Variants in BPTF observed in about 807,000 individuals in gnomAD.
The protein encoded by BPTF is bromodomain PHD finger transcription factor, also known as nucleosome-remodeling factor subunit BPTF.
In BPTF, 18 loss-of-function variants were observed where a neutral mutation model predicts 292.5. The ratio of observed to expected loss-of-function variants is 0.06; its 90% CI spans 0.04 to 0.09. The LOEUF (loss-of-function observed/expected upper bound fraction) is 0.09. BPTF is among the 10% of genes least tolerant of loss of function. BPTF has a pLI of 1.00. For missense variants in BPTF, 2,726 were observed against 3,498.7 expected (o/e 0.78, Z 5.57); for synonymous variants, 1,225 against 1,251.9 (o/e 0.98, Z 0.45).
At chr17:67,944,702 G>A in intron 20 of BPTF, 1 of 325,930 alleles carries the variant, frequency 3.1e-6, no homozygotes, top group South Asian at 3.5e-5. Flanking sequence ...TCTCAGGGAG[G>A]GTGGGTAAAT....
intron 12 of BPTF, among the ~76,000 whole-genome samples, chr17:67,919,617 G>A (rs1489316170): frequency 6.6e-6 from 1 of 152,110 alleles, no homozygotes; most frequent in Non-Finnish European, 1.5e-5. Flanking sequence ...CAGAAGGGAA[G>A]GTTCAGATTA....
At chr17:67,918,601 A>G in intron 11 of BPTF, 113 bp from the exon 12 acceptor site, 1 of 897,460 alleles carries the variant, frequency 1.1e-6, no homozygotes, top group Non-Finnish European at 1.6e-6. Context: ...TAAATACTGG[A>G]GTCCTAATGA....
chr17:67,941,532 C>G (rs1008398544), intron 19 of BPTF, among the ~76,000 whole-genome samples: 9 of 152,018 alleles, frequency 5.9e-5, no homozygotes, highest in African/African-American at 2.2e-4. Context: ...GCAGATAGAC[C>G]AACAGAACAG....
intron 4 of BPTF, chr17:67,886,399 G>A: frequency 2.0e-6 from 2 of 992,862 alleles, no homozygotes; most frequent in Non-Finnish European, 2.7e-6. Flanking sequence ...GTGGTTTTTT[G>A]CTTTTGTTTT....
At chr17:67,979,571 T>C (rs1209048527) in intron 27 of BPTF, among the ~76,000 whole-genome samples, 6 of 151,948 alleles carry the variant, frequency 3.9e-5, no homozygotes, top group Non-Finnish European at 8.8e-5. Context: ...ATGACATTGG[T>C]TTTCGACTTT....
chr17:67,958,720 T>G (rs966959716), intron 23 of BPTF, among the ~76,000 whole-genome samples: 1 of 151,908 alleles, frequency 6.6e-6, no homozygotes, highest in Non-Finnish European at 1.5e-5. Context: ...AACAAAGCAC[T>G]TTGGGAGGCC....
At chr17:67,885,286 G>A (rs981277266) in intron 4 of BPTF, among the ~76,000 whole-genome samples, 1 of 152,154 alleles carries the variant, frequency 6.6e-6, no homozygotes, top group African/African-American at 2.4e-5. Context: ...ATTGTCCTCA[G>A]AAGTTAGCAA....
intron 1 of BPTF, among the ~76,000 whole-genome samples, chr17:67,852,181 C>T (rs11079708): frequency 1.7e-4 from 26 of 152,008 alleles, no homozygotes; most frequent in African/African-American, 5.5e-4. Context: ...AGTATAATGA[C>T]GTTGTATTTA....
Position 67,894,020 on chromosome 17 carries a change from C to A in BPTF, c.2412-14C>A, listed in dbSNP as rs2061291435. The A allele has an allele frequency of 1.2e-6, 2 of 1,608,954 alleles. No homozygotes were observed. The highest frequency in any genetic ancestry group is 2.2e-5 in the South Asian group (2 of 90,748). On this transcript the variant is annotated splice_polypyrimidine_tract_variant and intron_variant, in intron 6 of 27. Coordinates refer to ENST00000306378, the MANE Select transcript of BPTF (RefSeq NM_182641.4). ...CCTAGTGAAATAATTTCTCTCATTT[C>A]TTCTGAAATACAGGGCAAATTGGAT...
chr17:67,973,268 A>C (rs1423973329), intron 26 of BPTF, among the ~76,000 whole-genome samples: 2 of 150,352 alleles, frequency 1.3e-5, no homozygotes, highest in African/African-American at 4.9e-5. Flanking sequence ...TAGCTACTCC[A>C]GAGGCTGAGG....
chr17:67,924,695 C>G (rs2063726123), intron 15 of BPTF, 106 bp downstream of exon 15: 19 of 1,253,340 alleles, frequency 1.5e-5, no homozygotes, highest in Non-Finnish European at 2.2e-5. Context: ...GCTGGTCCCA[C>G]TTGACAACAT....
chr17:67,890,035 A>G (rs1242247523), intron 4 of BPTF, among the ~76,000 whole-genome samples: 1 of 152,202 alleles, frequency 6.6e-6, no homozygotes, highest in East Asian at 1.9e-4. Flanking sequence ...TAATTACCAT[A>G]CCTTAAAAAT....
chr17:67,864,826 A>G (rs139121177), intron 2 of BPTF, among the ~76,000 whole-genome samples: 5 of 152,030 alleles, frequency 3.3e-5, no homozygotes, highest in African/African-American at 1.2e-4. Flanking sequence ...TATTTTTGAG[A>G]CAGAGTCTCG....
Position 67,964,827 on chromosome 17 carries a change from G to A in BPTF, c.8454+423G>A, listed in dbSNP as rs570022240. ...ATCCTGGCTAACACGGTGAAACCCC[G>A]TCTCTACTAAAAATACAAAAAATTA... On this transcript the variant is annotated intron_variant, in intron 25 of 27. Coordinates refer to ENST00000306378, the MANE Select transcript of BPTF (RefSeq NM_182641.4). Among the ~76,000 whole-genome samples, 238 of 150,306 alleles carry A rather than the reference G, an allele frequency of 1.6e-3. 2 individuals carry two copies. Among genetic ancestry groups the A allele is most frequent in the South Asian group, 0.011 (53 of 4,718 alleles).
At chr17:67,905,926 G>A (rs1340286543) in intron 9 of BPTF, among the ~76,000 whole-genome samples, 1 of 152,102 alleles carries the variant, frequency 6.6e-6, no homozygotes, top group Non-Finnish European at 1.5e-5. Context: ...TTGGGGGATA[G>A]CATTAGGAGA....
intron 1 of BPTF, among the ~76,000 whole-genome samples, chr17:67,846,901 A>C (rs1026804628): frequency 2.0e-5 from 3 of 152,132 alleles, no homozygotes; most frequent in South Asian, 2.1e-4. Flanking sequence ...GGGTTTCGCC[A>C]TGTTGGCCAG....
At chr17:67,915,539 C>G (rs532165758) in intron 11 of BPTF, among the ~76,000 whole-genome samples, 2 of 152,292 alleles carry the variant, frequency 1.3e-5, no homozygotes, top group East Asian at 1.9e-4. Context: ...GCCTTTTTCT[C>G]TCATGCCACC....
chr17:67,956,646 T>C (rs2066966580), intron 23 of BPTF: 1 of 147,268 alleles, frequency 6.8e-6, no homozygotes, highest in African/African-American at 2.5e-5. Context: ...AAAAATAAAA[T>C]TAATTCAGTT....
At chr17:67,951,612 A>G (rs1376836888) in intron 23 of BPTF, 1 of 152,234 alleles carries the variant, frequency 6.6e-6, no homozygotes, top group Non-Finnish European at 1.5e-5. Flanking sequence ...CAAAGCCAAC[A>G]AATGAAAATG....
Sources: allele counts gnomAD v4.1 joint callset (sites outside exome capture counted in the v4.1 genomes callset), GRCh38; gene constraint gnomAD v4.1.1; transcripts MANE v1.5; gene names NCBI Gene and HGNC (gene_info 2026-07-23, HGNC 2026-07-21).